AMT: variants seen among roughly 807,000 people sequenced by gnomAD.
The protein encoded by AMT is aminomethyltransferase.
Under a neutral mutation model 39.5 loss-of-function variants are expected in AMT, and 24 were observed. That is an observed-to-expected ratio of 0.61 (90% confidence interval 0.44 to 0.86). The LOEUF is 0.86. Ranked by LOEUF, AMT falls within the 40% of genes least tolerant of loss-of-function variation. AMT has a pLI of 0.00. For synonymous variants in AMT, 210 were observed against 212.1 expected, an observed-to-expected ratio of 0.99 and a Z score of 0.09; for missense variants, 501 against 537.0, an observed-to-expected ratio of 0.93 and a Z score of 0.66.
Position 49,417,927 on chromosome 3 carries a change from A to G in AMT, c.924T>C (p.Ile308=). Residue 308 remains isoleucine (I), a synonymous_variant, in exon 8 of 9, where the codon ATT becomes ATC. Transcript: ENST00000273588. ...GCACCCTGCCCTTCAGCTGGGGAAC[A>G]ATGACCTTGGCTCCAGGGAAGTCCA... is the stretch of plus-strand genomic sequence containing the variant. ...AAMDFPGAKV[I]VPQLKGRVQR... 6.2e-7 allele frequency: 1 copy of G among 1,613,944 alleles called. No homozygotes were observed. The highest frequency in any genetic ancestry group is 8.5e-7 in the Non-Finnish European group (1 of 1,179,966).
chr3:49,420,314 G>T lies in AMT; in HGVS notation c.368C>A (p.Ala123Asp). Residue 123 changes from alanine (A) to aspartate (D), a missense_variant, in exon 4 of 9, where the codon GCT becomes GAT. By Grantham distance (126) the Ala-to-Asp change is moderately radical. Coordinates refer to ENST00000273588, the MANE Select transcript of AMT (RefSeq NM_000481.4). ...QGTLSLFTNE[A>D]GGILDDLIVT... ...AATCAAGTCATCTAAGATGCCTCCA[G>T]CCTCGTTGGTAAACAGCGACAGTGT... The T allele has an allele frequency of 6.2e-7, 1 of 1,614,160 alleles. No individual in the cohort carries two copies. Among genetic ancestry groups the T allele is most frequent in the South Asian group, 1.1e-5 (1 of 91,088 alleles).
At chr3:49,422,034 G>A in intron 2 of AMT, 70 bp downstream of exon 2, 2 of 1,602,742 alleles carry the variant, frequency 1.2e-6, no homozygotes, top group Non-Finnish European at 1.7e-6. Flanking sequence ...AGCAAACAAA[G>A]CCAAGGAGTG....
chr3:49,418,858 G>T, intron 7 of AMT, 113 bp downstream of exon 7: 1 of 1,170,786 alleles, frequency 8.5e-7, no homozygotes, highest in Non-Finnish European at 1.3e-6. Flanking sequence ...AGGGAAGGGA[G>T]GCTCAGGAAG....
chr3:49,419,538 C>T lies in AMT; in HGVS notation c.551-133G>A, dbSNP rs116637858. 75 of 1,503,958 alleles carry T rather than the reference C, an allele frequency of 5.0e-5. No homozygotes were observed. In the African/African-American group the frequency reaches 6.9e-4, roughly 14 times the overall value. 93.2% of individuals were successfully genotyped at this position (1,503,958 alleles called of 1,614,324 possible). ...CAAGTGGGAGAAGATGCCCTTGTCC[C>T]TAGCCCATGGAGCCTTGTGGTAGGT... On this transcript the variant is annotated intron_variant, in intron 5 of 8. Coordinates refer to ENST00000273588, the MANE Select transcript of AMT (RefSeq NM_000481.4).
chr3:49,420,680 T>C (rs112867007), intron 3 of AMT: 2 of 368,460 alleles, frequency 5.4e-6, no homozygotes, highest in South Asian at 4.6e-5. Flanking sequence ...ACTTAGCCCA[T>C]GTGGCAACCC....
rs2049014853 is a variant in AMT at position 49,417,279 on chromosome 3, G to T, written c.*261C>A. 6.3e-7 allele frequency: 1 copy of T among 1,598,410 alleles called. No homozygotes were observed. Among genetic ancestry groups the T allele is most frequent in the Non-Finnish European group, 8.5e-7 (1 of 1,178,800 alleles). The stretch of plus-strand genomic sequence containing the variant: ...AACCAAAGCTTCTCATTACCCTCCA[G>T]CAGGCAAGAGTAGGTCAGTGGGATC... On this transcript the variant is annotated 3_prime_UTR_variant, in exon 9 of 9. Transcript: ENST00000273588.
intron 2 of AMT, 111 bp downstream of exon 2, chr3:49,421,993 C>G (rs1396420478): frequency 2.0e-6 from 3 of 1,502,016 alleles, no homozygotes; most frequent in Non-Finnish European, 2.8e-6. Flanking sequence ...TCTAGCTCTT[C>G]TGAGAAGGCT....
At position 49,417,647 on chromosome 3, in the gene AMT, A is replaced by T; in HGVS notation, c.1105T>A (p.Tyr369Asn). Residue 369 changes from tyrosine (Y) to asparagine (N), a missense_variant, in exon 9 of 9, where the codon TAC becomes AAC. Coordinates refer to ENST00000273588, the MANE Select transcript of AMT (RefSeq NM_000481.4). The part of the protein sequence containing the change: ...NVAMGYVPCE[Y>N]SRPGTMLLVE... The stretch of plus-strand genomic sequence containing the variant: ...AGCAGCATTGTCCCTGGACGACTGT[A>T]CTCGCAGGGCACATAACCCATCGCC... 2 of 1,614,018 alleles carry T rather than the reference A, an allele frequency of 1.2e-6. No individual in the cohort carries two copies. Among genetic ancestry groups the T allele is most frequent in the Non-Finnish European group, 1.7e-6 (2 of 1,180,004 alleles).
At chr3:49,418,470 C>CG in intron 7 of AMT, 1 of 186,354 alleles carries the variant, frequency 5.4e-6, no homozygotes, top group Non-Finnish European at 1.1e-5. Flanking sequence ...TGTGAGCCAC[C>CG]ATGCCCGGCA....
At chr3:49,421,616 A>G (rs146587598) in intron 2 of AMT, 44 bp from the exon 3 acceptor site, 27 of 1,556,696 alleles carry the variant, frequency 1.7e-5, no homozygotes, top group Middle Eastern at 1.7e-4. Context: ...AACAGCTACA[A>G]TCCAAAAGGC....
At chr3:49,421,966 A>G in intron 2 of AMT, 138 bp downstream of exon 2, 1 of 1,248,888 alleles carries the variant, frequency 8.0e-7, no homozygotes, top group Non-Finnish European at 1.2e-6. Flanking sequence ...TGACCTATCC[A>G]TGACACCCCC....
At position 49,419,291 on chromosome 3, in the gene AMT, C is replaced by T. The variant is rs562695274; in HGVS notation, c.665G>A (p.Arg222His). 15 of 1,614,052 alleles carry T rather than the reference C, an allele frequency of 9.3e-6. No individual in the cohort carries two copies. The highest frequency in any genetic ancestry group is 2.2e-5 in the East Asian group (1 of 44,890). The stretch of plus-strand genomic sequence containing the variant: ...ACCATCCTCTCCTGTGTAGCCACAG[C>T]GGGTCACGCGGCAGCCAGACACGCC... ...VFGVSGCRVT[R>H]CGYTGEDGVE... Residue 222 changes from arginine (R) to histidine (H), a missense_variant, in exon 6 of 9, where the codon CGC becomes CAC. Transcript: ENST00000273588.
At chr3:49,418,832 GCA>G (rs1224182344) in intron 7 of AMT, 137 bp downstream of exon 7, 2 of 917,300 alleles carry the variant, frequency 2.2e-6, no homozygotes, top group African/African-American at 3.3e-5. Context: ...ATGGGCAAAG[GCA>G]CAGTGGCACC....
intron 2 of AMT, 185 bp from the exon 3 acceptor site, chr3:49,421,757 T>C: frequency 2.9e-6 from 2 of 692,140 alleles, no homozygotes; most frequent in South Asian, 1.6e-5. Context: ...CCAGTCACTC[T>C]GTGTGGGGGG....
In AMT at chr3:49,417,852, G is replaced by C. The variant is rs1276507790; in HGVS notation, c.999C>G (p.His333Gln). The C allele has an allele frequency of 1.2e-6, 2 of 1,614,078 alleles. No individual in the cohort carries two copies. The highest frequency in any genetic ancestry group is 1.6e-4 in the Middle Eastern group (1 of 6,062). The change falls in exon 8 of 9, where the codon CAC becomes CAG. Residue 333 changes from histidine to glutamine, a missense_variant. By Grantham distance (24) the His-to-Gln change is conservative. Transcript: ENST00000273588. ...TACCCTCCATGTTCAGGATGGGACTGTGTGCCCGCATGGGGGCCCCCTCAC... is the reference window on the plus strand; with the variant it reads ...TACCCTCCATGTTCAGGATGGGACTCTGTGCCCGCATGGGGGCCCCCTCAC... ...LMCEGAPMRA[H>Q]SPILNMEGTK...
At chr3:49,418,628 A>T (rs889671302) in intron 7 of AMT, 6 of 311,106 alleles carry the variant, frequency 1.9e-5, no homozygotes, top group East Asian at 1.7e-4. Flanking sequence ...CAGCCTCCCG[A>T]GTAGCTGGGA....
chr3:49,417,248 T>C lies in AMT; in HGVS notation c.*292A>G. On this transcript the variant is annotated 3_prime_UTR_variant, in exon 9 of 9. Coordinates refer to ENST00000273588, the MANE Select transcript of AMT (RefSeq NM_000481.4). ...CCAGCACCTGGCAGAGTGGGAGAGA[T>C]GGCAGAACCAAAGCTTCTCATTACC... 1 of 1,588,870 alleles carries C rather than the reference T, an allele frequency of 6.3e-7. No individual in the cohort carries two copies. Among genetic ancestry groups the C allele is most frequent in the Non-Finnish European group, 8.5e-7 (1 of 1,170,446 alleles).
At position 49,420,343 on chromosome 3, in the gene AMT, C is replaced by G; in HGVS notation, c.340-1G>C. On this transcript the variant is annotated splice_acceptor_variant, in intron 3 of 8. Coordinates refer to ENST00000273588, the MANE Select transcript of AMT (RefSeq NM_000481.4). LOFTEE classifies it high-confidence loss of function. ...CGTTGGTAAACAGCGACAGTGTCCC[C>G]TAGGACCAAAGTGGAGCGTTTTGGC... The G allele has an allele frequency of 1.9e-6, 3 of 1,614,088 alleles. No homozygotes were observed. The highest frequency in any genetic ancestry group is 2.5e-6 in the Non-Finnish European group (3 of 1,180,000).
Position 49,419,747 on chromosome 3 carries a change from G to A in AMT, c.513C>T (p.Gly171=), listed in dbSNP as rs555045517. 60 of 1,614,088 alleles carry A rather than the reference G, an allele frequency of 3.7e-5. 1 individual carries two copies. The South Asian group carries it at 5.7e-4, about 15-fold the overall frequency. Residue 171 remains glycine (G), a synonymous_variant, in exon 5 of 9, where the codon GGC becomes GGT. Transcript: ENST00000273588. ...RELQNQGRDV[G]LEVLDNALLA... ...GCAGGGCATTATCCAACACCTCCAG[G>A]CCCACATCTCTGCCCTGGTTCTGAA... is the stretch of plus-strand genomic sequence containing the variant.
Sources: allele counts gnomAD v4.1 joint callset, GRCh38; gene constraint gnomAD v4.1.1; transcripts MANE v1.5; gene names NCBI Gene and HGNC (gene_info 2026-07-23, HGNC 2026-07-21).